The following BMAL2 variants were observed in gnomAD, a reference collection of about 807,000 sequenced individuals.
The protein encoded by BMAL2 is basic helix-loop-helix ARNT like 2, also known as basic helix-loop-helix ARNT-like protein 2.
At chr12:27,376,341 T>C in the BMAL2 span, 1 of 1,613,088 alleles carries the variant, frequency 6.2e-7, no homozygotes, top group Non-Finnish European at 8.5e-7. Context: ...CCTGCTTTTT[T>C]GTAGAGTGGA....
chr12:27,400,775 G>A, the BMAL2 span: 1 of 1,601,826 alleles, frequency 6.2e-7, no homozygotes, highest in South Asian at 1.1e-5. Flanking sequence ...TAGATCAAAG[G>A]TAAACATTTA....
the BMAL2 span, chr12:27,418,306 T>G: frequency 2.8e-6 from 2 of 704,118 alleles, no homozygotes; most frequent in Non-Finnish European, 4.6e-6. Context: ...GTTTTAAAAC[T>G]AAGGTTTTTT....
At chr12:27,349,933 G>A in the BMAL2 span, among the ~76,000 whole-genome samples, 35 of 152,334 alleles carry the variant, frequency 2.3e-4, no homozygotes, top group South Asian at 4.1e-3. Context: ...GAGGTGGCGA[G>A]CTCCTCATGT....
At chr12:27,335,904 A>G in the BMAL2 span, among the ~76,000 whole-genome samples, 15 of 152,166 alleles carry the variant, frequency 9.9e-5, no homozygotes, top group African/African-American at 3.6e-4. Flanking sequence ...GAAAGCCAAA[A>G]TATCAGTAGG....
chr12:27,389,116 TG>T, the BMAL2 span: 3 of 1,030,132 alleles, frequency 2.9e-6, no homozygotes, highest in Non-Finnish European at 4.5e-6. Flanking sequence ...ATTTATTGTA[TG>T]CATCAAGAAA....
the BMAL2 span, among the ~76,000 whole-genome samples, chr12:27,380,663 A>G: frequency 1.3e-5 from 2 of 152,186 alleles, no homozygotes; most frequent in Admixed American, 6.5e-5. Context: ...TCTTCTTCAC[A>G]TATATTATGA....
At chr12:27,417,499 T>C in the BMAL2 span, among the ~76,000 whole-genome samples, 1 of 152,184 alleles carries the variant, frequency 6.6e-6, no homozygotes, top group Non-Finnish European at 1.5e-5. Context: ...GTTAGAATCA[T>C]GGCTTCAACA....
chr12:27,376,873 A>G, the BMAL2 span, among the ~76,000 whole-genome samples: 4 of 151,686 alleles, frequency 2.6e-5, no homozygotes, highest in Non-Finnish European at 4.4e-5. Context: ...GGTGGTGGGC[A>G]CCTGTAGTCC....
chr12:27,349,527 T>A, the BMAL2 span, among the ~76,000 whole-genome samples: 1 of 152,208 alleles, frequency 6.6e-6, no homozygotes. Flanking sequence ...TGCCCCTTAA[T>A]TTGTCTCAGA....
chr12:27,415,233 TACAC>T, the BMAL2 span, among the ~76,000 whole-genome samples: 1 of 152,222 alleles, frequency 6.6e-6, no homozygotes, highest in South Asian at 2.1e-4. Context: ...GCTGTCAACA[TACAC>T]ATACACACAG....
the BMAL2 span, among the ~76,000 whole-genome samples, chr12:27,384,539 A>G: frequency 1.3e-5 from 2 of 152,148 alleles, no homozygotes; most frequent in Non-Finnish European, 2.9e-5. Flanking sequence ...TAGCTAAGAC[A>G]TTATCTAAAT....
the BMAL2 span, among the ~76,000 whole-genome samples, chr12:27,340,183 A>G: frequency 2.0e-5 from 3 of 152,114 alleles, no homozygotes; most frequent in African/African-American, 4.8e-5. Flanking sequence ...GCCTGTTCCT[A>G]TGTCCAGAAT....
the BMAL2 span, chr12:27,387,104 C>T: frequency 1.5e-6 from 1 of 666,268 alleles, no homozygotes; most frequent in Non-Finnish European, 2.6e-6. Flanking sequence ...TTACTAGCTC[C>T]ATGACTACTC....
the BMAL2 span, among the ~76,000 whole-genome samples, chr12:27,363,210 T>C: frequency 6.6e-6 from 1 of 152,228 alleles, no homozygotes; most frequent in Admixed American, 6.5e-5. Context: ...TGTACCCATT[T>C]TGCTGATGAA....
At chr12:27,389,488 AAC>A in the BMAL2 span, among the ~76,000 whole-genome samples, 1 of 152,206 alleles carries the variant, frequency 6.6e-6, no homozygotes, top group African/African-American at 2.4e-5. Context: ...GACATATACA[AAC>A]ACAAATTCAT....
At chr12:27,345,552 G>A in the BMAL2 span, among the ~76,000 whole-genome samples, 1 of 152,124 alleles carries the variant, frequency 6.6e-6, no homozygotes, top group Non-Finnish European at 1.5e-5. Flanking sequence ...ACAATAGTAT[G>A]ATCACGGTTC....
At chr12:27,401,572 CA>C in the BMAL2 span, 7 of 1,609,034 alleles carry the variant, frequency 4.4e-6, no homozygotes, top group East Asian at 1.6e-4. Flanking sequence ...AAATTCAGAG[CA>C]AAAGATGGCT....
chr12:27,334,905 G>C, the BMAL2 span, among the ~76,000 whole-genome samples: 1 of 152,138 alleles, frequency 6.6e-6, no homozygotes, highest in Non-Finnish European at 1.5e-5. Flanking sequence ...AACTGAGGCT[G>C]GCTCACAGTT....
the BMAL2 span, among the ~76,000 whole-genome samples, chr12:27,397,490 G>A: frequency 6.6e-6 from 1 of 152,198 alleles, no homozygotes; most frequent in Non-Finnish European, 1.5e-5. Context: ...AGACTAGAGA[G>A]CAGCCCTTTT....
Sources: gnomAD v4.1 joint callset for allele counts (sites outside exome capture counted in the v4.1 genomes callset) on GRCh38, gnomAD v4.1.1 for gene constraint, MANE v1.5 for transcripts, NCBI Gene and HGNC (gene_info 2026-07-23, HGNC 2026-07-21) for gene names.